PLCL1: variants seen among roughly 807,000 people sequenced by gnomAD.
PLCL1 encodes inactive phospholipase C-like protein 1.
Under a neutral mutation model 84.4 loss-of-function variants are expected in PLCL1, and 41 were observed. The ratio of observed to expected loss-of-function variants is 0.49; its 90% confidence interval spans 0.38 to 0.63. The LOEUF (loss-of-function observed/expected upper bound fraction) is 0.63, where lower values mean the gene tolerates loss of function less well. Ranked by LOEUF, PLCL1 falls within the 30% of genes least tolerant of loss-of-function variation. The pLI, the probability that PLCL1 is intolerant of heterozygous loss-of-function variation, is 0.00. For synonymous variants in PLCL1, 490 were observed against 488.3 expected (o/e 1.00, Z -0.05); for missense variants, 1,206 against 1,367.8 (o/e 0.88, Z 1.87).
chr2:197,898,198 G>A (rs531610847), intron 1 of PLCL1, among the ~76,000 whole-genome samples: 4 of 152,146 alleles, frequency 2.6e-5, no homozygotes, highest in African/African-American at 9.7e-5. Context: ...AGTGTAGTTA[G>A]TTCAAATTTC....
At chr2:198,092,610 A>G (rs1010348500) in intron 3 of PLCL1, among the ~76,000 whole-genome samples, 2 of 152,168 alleles carry the variant, frequency 1.3e-5, no homozygotes, top group African/African-American at 4.8e-5. Flanking sequence ...GTGCAATGGA[A>G]CACCATAATT....
chr2:198,131,015 A>G (rs1029606260), intron 5 of PLCL1, among the ~76,000 whole-genome samples: 3 of 151,798 alleles, frequency 2.0e-5, no homozygotes, highest in Non-Finnish European at 2.9e-5. Flanking sequence ...CTGTCTTCTC[A>G]GCTCCCCTCC....
intron 1 of PLCL1, among the ~76,000 whole-genome samples, chr2:197,858,596 T>G (rs1012196130): frequency 4.6e-5 from 7 of 152,234 alleles, no homozygotes; most frequent in Non-Finnish European, 7.3e-5. Context: ...CTTCCCAAAT[T>G]GGATAAATTT....
At chr2:198,118,747 C>A (rs1693802596) in intron 5 of PLCL1, among the ~76,000 whole-genome samples, 1 of 151,962 alleles carries the variant, frequency 6.6e-6, no homozygotes, top group African/African-American at 2.4e-5. Context: ...GTAGGGGGTG[C>A]CATTCCCACT....
chr2:197,866,719 G>T (rs769560326), intron 1 of PLCL1, among the ~76,000 whole-genome samples: 3 of 152,088 alleles, frequency 2.0e-5, no homozygotes, highest in Non-Finnish European at 2.9e-5. Context: ...CTTCCCCAGG[G>T]AATTCAGCTC....
At chr2:197,897,174 CT>C (rs1450944398) in intron 1 of PLCL1, among the ~76,000 whole-genome samples, 14 of 29,878 alleles carry the variant, frequency 4.7e-4, no homozygotes, top group African/African-American at 2.7e-3. Context: ...TCTTCTTCTT[CT>C]TCTTCTTCTT....
At chr2:198,015,609 G>T (rs1411147620) in intron 1 of PLCL1, among the ~76,000 whole-genome samples, 1 of 152,084 alleles carries the variant, frequency 6.6e-6, no homozygotes, top group Non-Finnish European at 1.5e-5. Flanking sequence ...AGTGGGCCAG[G>T]TACTACTTGT....
At chr2:197,843,202 G>A (rs1422060055) in intron 1 of PLCL1, among the ~76,000 whole-genome samples, 1 of 152,150 alleles carries the variant, frequency 6.6e-6, no homozygotes, top group Admixed American at 6.5e-5. Flanking sequence ...GTCAGCAAGA[G>A]ATTGCAATGA....
At chr2:197,840,740 C>T (rs1433926776) in intron 1 of PLCL1, among the ~76,000 whole-genome samples, 5 of 152,068 alleles carry the variant, frequency 3.3e-5, no homozygotes, top group Non-Finnish European at 1.5e-5. Context: ...GATGTGTGGC[C>T]CAATGATCCT....
chr2:197,893,442 T>G (rs927252209), intron 1 of PLCL1, among the ~76,000 whole-genome samples: 4 of 152,172 alleles, frequency 2.6e-5, no homozygotes, highest in African/African-American at 9.7e-5. Context: ...CATAATACAT[T>G]CAAGGAGTAT....
intron 5 of PLCL1, among the ~76,000 whole-genome samples, chr2:198,134,527 C>G (rs951684911): frequency 6.6e-5 from 10 of 152,112 alleles, no homozygotes; most frequent in Non-Finnish European, 1.3e-4. Context: ...AACACAGAAC[C>G]TGGAACTCAT....
At position 198,086,248 on chromosome 2, in the gene PLCL1, A is replaced by C. The variant is rs760393741; in HGVS notation, c.2715+16A>C. On this transcript the variant is annotated intron_variant, in intron 2 of 5. Coordinates refer to ENST00000428675, the MANE Select transcript of PLCL1 (RefSeq NM_006226.4). The stretch of plus-strand genomic sequence containing the variant: ...AAATATGCAGGTAGGAGAAACACTC[A>C]CACTCTCCTTCCCTATCCCTGCTTA... 14 of 1,503,756 alleles carry C rather than the reference A, an allele frequency of 9.3e-6. No individual in the cohort carries two copies. The highest frequency in any genetic ancestry group is 1.4e-5 in the African/African-American group (1 of 72,344). 93.2% of individuals were successfully genotyped at this position (1,503,756 alleles called of 1,614,324 possible). A position where few individuals can be genotyped will look rare whatever the true frequency, so the allele number is the denominator to read the frequency against.
At chr2:197,858,542 T>C (rs1296285263) in intron 1 of PLCL1, among the ~76,000 whole-genome samples, 1 of 152,182 alleles carries the variant, frequency 6.6e-6, no homozygotes, top group African/African-American at 2.4e-5. Flanking sequence ...TTTTGTATTA[T>C]TTTCCTATTT....
intron 1 of PLCL1, among the ~76,000 whole-genome samples, chr2:197,850,045 C>G (rs879730997): frequency 9.4e-5 from 14 of 148,178 alleles, no homozygotes; most frequent in African/African-American, 2.3e-4. Flanking sequence ...CACACACACA[C>G]ACACACACAC....
intron 1 of PLCL1, among the ~76,000 whole-genome samples, chr2:198,016,722 C>T (rs1399218196): frequency 6.6e-6 from 1 of 152,218 alleles, no homozygotes; most frequent in Non-Finnish European, 1.5e-5. Flanking sequence ...TAGGGCTCAA[C>T]TTTGAACGAA....
intron 1 of PLCL1, among the ~76,000 whole-genome samples, chr2:197,978,161 A>G (rs1690025633): frequency 6.6e-6 from 1 of 152,232 alleles, no homozygotes; most frequent in African/African-American, 2.4e-5. Context: ...AACCAATTTT[A>G]CCATAGGCTG....
chr2:197,973,008 C>T (rs1255010785), intron 1 of PLCL1, among the ~76,000 whole-genome samples: 1 of 152,194 alleles, frequency 6.6e-6, no homozygotes, highest in Non-Finnish European at 1.5e-5. Flanking sequence ...GAGCAGGAGA[C>T]AGCAATATTC....
chr2:198,104,818 G>T (rs143893608), intron 5 of PLCL1, among the ~76,000 whole-genome samples: 3 of 151,888 alleles, frequency 2.0e-5, no homozygotes, highest in African/African-American at 2.4e-5. Context: ...TGTTGGCCGC[G>T]TATATGTCTT....
intron 1 of PLCL1, among the ~76,000 whole-genome samples, chr2:197,855,111 C>T (rs1687305474): frequency 1.3e-5 from 2 of 152,148 alleles, no homozygotes; most frequent in Non-Finnish European, 2.9e-5. Context: ...CGGATTTCCT[C>T]ATTTAGTTTA....
Sources: gnomAD v4.1 joint callset for allele counts (sites outside exome capture counted in the v4.1 genomes callset) on GRCh38, gnomAD v4.1.1 for gene constraint, MANE v1.5 for transcripts, NCBI Gene and HGNC (gene_info 2026-07-23, HGNC 2026-07-21) for gene names.